The following CASR variants were observed in gnomAD, a reference collection of about 807,000 sequenced individuals.
CASR encodes the protein calcium sensing receptor.
A neutral mutation model predicts 69.1 loss-of-function variants in CASR; 23 were observed. The observed-to-expected ratio is 0.33, with a 90% CI of 0.24 to 0.47. The LOEUF is 0.47. CASR is among the 20% of genes least tolerant of loss of function. The pLI, the probability that CASR is intolerant of heterozygous loss-of-function variation, is 1.00. For synonymous variants in CASR, 541 were observed against 544.7 expected, an observed-to-expected ratio of 0.99 and a Z score of 0.10; for missense variants, 924 against 1,356.1, an observed-to-expected ratio of 0.68 and a Z score of 5.00.
At chr3:122,252,911 C>A (rs886802586) in intron 1 of CASR, among the ~76,000 whole-genome samples, 1 of 152,146 alleles carries the variant, frequency 6.6e-6, no homozygotes, top group East Asian at 1.9e-4. Flanking sequence ...GCCCCATCAA[C>A]CTGTAATTGG....
chr3:122,257,049 T>C (rs755045645), intron 2 of CASR, 32 bp from the exon 3 acceptor site: 1 of 1,599,304 alleles, frequency 6.3e-7, no homozygotes, highest in Non-Finnish European at 8.6e-7. Flanking sequence ...CTAGAAAGCT[T>C]CCCATTTTCT....
rs1327906756 is a variant in CASR, at chr3:122,291,238, TATA to T, written c.*6048_*6050del. 1.3e-5 allele frequency: 2 copies of T among 151,798 alleles called. No individual in the cohort carries two copies. The highest frequency in any genetic ancestry group is 1.3e-4 in the Admixed American group (2 of 15,222). The allele number at this position is 151,798 out of a possible 1,614,324, so 9.4% of individuals were successfully genotyped here. On this transcript the variant is annotated 3_prime_UTR_variant, in exon 7 of 7. Coordinates refer to ENST00000639785, the MANE Select transcript of CASR (RefSeq NM_000388.4). ...AGCATGATTTCTAATCCTTTGGGTA[TATA>T]CCCAGTAATGGGATGGCTGGGTCAA...
At chr3:122,234,839 A>G (rs191163513) in intron 1 of CASR, among the ~76,000 whole-genome samples, 245 of 152,360 alleles carry the variant, frequency 1.6e-3, no homozygotes, top group Non-Finnish European at 2.9e-3. Flanking sequence ...GTCATTAGCA[A>G]CAGAGAATCT....
rs2074965803 is a variant in CASR, at chr3:122,286,021, G to A, written c.*830G>A. 6.6e-6 allele frequency: 1 copy of A among 152,608 alleles called. No homozygotes were observed. Among genetic ancestry groups the A allele is most frequent in the South Asian group, 2.1e-4 (1 of 4,828 alleles). 9.5% of individuals were successfully genotyped at this position (152,608 alleles called of 1,614,324 possible). On this transcript the variant is annotated 3_prime_UTR_variant, in exon 7 of 7. Transcript: ENST00000639785. ...CACCCCACTATCCTCACTCCCATAA[G>A]CTAAGCCTTATGTGAGCCCCTTCAG...
intron 1 of CASR, among the ~76,000 whole-genome samples, chr3:122,198,563 C>G (rs2073912275): frequency 6.6e-6 from 1 of 151,928 alleles, no homozygotes; most frequent in East Asian, 1.9e-4. Context: ...TGGTGATGGG[C>G]TTTTTGAGGG....
chr3:122,211,418 G>A (rs904294397), intron 1 of CASR, among the ~76,000 whole-genome samples: 2 of 152,130 alleles, frequency 1.3e-5, no homozygotes, highest in Non-Finnish European at 2.9e-5. Flanking sequence ...TTAAAAAGTA[G>A]GCAAAGGGGC....
intron 1 of CASR, among the ~76,000 whole-genome samples, chr3:122,186,932 G>A (rs756624213): frequency 2.0e-5 from 3 of 152,226 alleles, no homozygotes; most frequent in Admixed American, 6.5e-5. Context: ...GGGAAAGAAT[G>A]CTTTGTTATC....
At position 122,284,971 on chromosome 3, in the gene CASR, C is replaced by A. The variant is rs779634167; in HGVS notation, c.3017C>A (p.Thr1006Lys). 1 of 1,614,206 alleles carries A rather than the reference C, an allele frequency of 6.2e-7. No homozygotes were observed. Among genetic ancestry groups the A allele is most frequent in the East Asian group, 2.2e-5 (1 of 44,888 alleles). Reference protein sequence around the residue: ...NSLEAQKSSDTLTRHEPLLPL... With the variant: ...NSLEAQKSSDKLTRHEPLLPL... ...CTGGAGGCCCAGAAAAGCAGCGATA[C>A]GCTGACCCGACACGAGCCATTACTC... is the stretch of plus-strand genomic sequence containing the variant. The change falls in exon 7 of 7, where the codon ACG (threonine) becomes AAG (lysine). Residue 1006 changes from threonine to lysine, a missense_variant. By Grantham distance (78) the Thr-to-Lys change is moderately conservative. This residue lies in a region of CASR where 201 missense variants were observed against 228.8 expected (regional missense o/e 0.88). Transcript: ENST00000639785.
intron 4 of CASR, among the ~76,000 whole-genome samples, chr3:122,272,477 T>A (rs981766018): frequency 3.9e-5 from 6 of 152,208 alleles, no homozygotes; most frequent in African/African-American, 1.4e-4. Flanking sequence ...TTTTAACACC[T>A]TCCCTCCCTC....
rs931726541 is a variant in CASR at position 122,287,548 on chromosome 3, T to C, written c.*2357T>C. 37 of 152,246 alleles carry C rather than the reference T, an allele frequency of 2.4e-4. No homozygotes were observed. Among genetic ancestry groups the C allele is most frequent in the African/African-American group, 8.9e-4 (37 of 41,472 alleles). The allele number at this position is 152,246 out of a possible 1,614,324, so 9.4% of individuals were successfully genotyped here. A position where few individuals can be genotyped will look rare whatever the true frequency, so the allele number is the denominator to read the frequency against. On this transcript the variant is annotated 3_prime_UTR_variant, in exon 7 of 7. Transcript: ENST00000639785. ...GTGTTTTCTGAGCCAATTTAGATGT[T>C]TGGGGATCAATTCAGAGGTTGTTCC...
intron 1 of CASR, among the ~76,000 whole-genome samples, chr3:122,188,418 A>G (rs1333322702): frequency 6.6e-6 from 1 of 152,214 alleles, no homozygotes; most frequent in Non-Finnish European, 1.5e-5. Flanking sequence ...ATCTTGGGAT[A>G]GAAAAGAAGA....
intron 1 of CASR, among the ~76,000 whole-genome samples, chr3:122,213,050 G>A (rs2074084192): frequency 6.6e-6 from 1 of 152,160 alleles, no homozygotes; most frequent in Non-Finnish European, 1.5e-5. Context: ...GTACAATATA[G>A]TTCAAGATAG....
At chr3:122,203,498 G>A (rs1379221752) in intron 1 of CASR, among the ~76,000 whole-genome samples, 1 of 152,148 alleles carries the variant, frequency 6.6e-6, no homozygotes, top group East Asian at 1.9e-4. Context: ...TTGTAACACA[G>A]TGATAACTAT....
intron 4 of CASR, among the ~76,000 whole-genome samples, chr3:122,269,006 C>A (rs1371826002): frequency 6.6e-6 from 1 of 152,030 alleles, no homozygotes; most frequent in African/African-American, 2.4e-5. Context: ...ATCCAGAAAC[C>A]ATTAAATTTT....
chr3:122,248,099 A>AG (rs1442708139), intron 1 of CASR, among the ~76,000 whole-genome samples: 1 of 152,198 alleles, frequency 6.6e-6, no homozygotes, highest in Admixed American at 6.5e-5. Context: ...GGCTTGCGGG[A>AG]GGCAGCCAAG....
chr3:122,228,080 G>T (rs2074243342), intron 1 of CASR, among the ~76,000 whole-genome samples: 1 of 152,176 alleles, frequency 6.6e-6, no homozygotes. Flanking sequence ...TTGAATTGGG[G>T]ATCTGAGAAC....
At chr3:122,252,278 G>A (rs1372556263) in intron 1 of CASR, among the ~76,000 whole-genome samples, 2 of 149,224 alleles carry the variant, frequency 1.3e-5, no homozygotes, top group Non-Finnish European at 3.0e-5. Flanking sequence ...CAGGCTGGGC[G>A]ACAGAGCCAG....
chr3:122,252,676 G>C (rs1160473934), intron 1 of CASR, among the ~76,000 whole-genome samples: 1 of 151,868 alleles, frequency 6.6e-6, no homozygotes. Context: ...TAAATATGAA[G>C]GACAATGATG....
intron 1 of CASR, among the ~76,000 whole-genome samples, chr3:122,203,928 T>C (rs539556282): frequency 6.6e-6 from 1 of 152,242 alleles, no homozygotes; most frequent in African/African-American, 2.4e-5. Context: ...AAAGTTCTTA[T>C]ACATCTTTAG....
Sources: allele counts gnomAD v4.1 joint callset (sites outside exome capture counted in the v4.1 genomes callset), GRCh38; gene constraint gnomAD v4.1.1; regional missense constraint gnomAD v4.1.1; transcripts MANE v1.5; gene names NCBI Gene and HGNC (gene_info 2026-07-23, HGNC 2026-07-21).